CDKAL1: variants seen among roughly 807,000 people sequenced by gnomAD.
CDKAL1 encodes the protein CDKAL1 threonylcarbamoyladenosine tRNA methylthiotransferase.
CDKAL1 carries 32 observed loss-of-function variants against 68.2 expected under a neutral mutation model. That is an observed-to-expected ratio of 0.47 (90% CI 0.35 to 0.63). The LOEUF (loss-of-function observed/expected upper bound fraction) is 0.63, where lower values mean the gene tolerates loss of function less well. CDKAL1 is among the 30% of genes least tolerant of loss of function. The pLI is 0.00. For missense variants in CDKAL1, 606 were observed against 696.7 expected (o/e 0.87, Z 1.47); for synonymous variants, 234 against 244.3 (o/e 0.96, Z 0.39).
intron 4 of CDKAL1, among the ~76,000 whole-genome samples, chr6:20,591,174 C>G (rs145366404): frequency 6.6e-6 from 1 of 152,174 alleles, no homozygotes; most frequent in Non-Finnish European, 1.5e-5. Context: ...AGTGTCCGTT[C>G]ATATTCTTCG....
intron 11 of CDKAL1, among the ~76,000 whole-genome samples, chr6:21,040,765 C>G (rs1644359761): frequency 6.6e-6 from 1 of 152,132 alleles, no homozygotes; most frequent in Non-Finnish European, 1.5e-5. Flanking sequence ...CTATGATATA[C>G]TGGCCTAAAA....
chr6:20,623,920 G>C (rs921438491), intron 4 of CDKAL1, among the ~76,000 whole-genome samples: 2 of 152,054 alleles, frequency 1.3e-5, no homozygotes, highest in African/African-American at 4.8e-5. Context: ...TCCTTATAAA[G>C]ATTGAGTGAA....
intron 11 of CDKAL1, among the ~76,000 whole-genome samples, chr6:21,001,672 TTTTA>T (rs1273923693): frequency 2.0e-5 from 3 of 152,218 alleles, no homozygotes; most frequent in African/African-American, 7.2e-5. Context: ...GAATATAGAT[TTTTA>T]TTTGTTTAAG....
At chr6:20,542,645 T>G (rs78557916) in intron 2 of CDKAL1, among the ~76,000 whole-genome samples, 1 of 152,326 alleles carries the variant, frequency 6.6e-6, no homozygotes, top group African/African-American at 2.4e-5. Flanking sequence ...GTAAAACTTA[T>G]GCAGAGATCC....
At chr6:20,667,094 C>T (rs1161095653) in intron 5 of CDKAL1, among the ~76,000 whole-genome samples, 1 of 152,172 alleles carries the variant, frequency 6.6e-6, no homozygotes, top group Non-Finnish European at 1.5e-5. Context: ...GTTTTCACTG[C>T]CCTTGAAATA....
At position 20,799,052 on chromosome 6, in the gene CDKAL1, T is replaced by TG. The variant is rs1450303730; in HGVS notation, c.638+17787_638+17788insG. On this transcript the variant is annotated intron_variant, in intron 8 of 15. Transcript: ENST00000274695. ...TGAAAAGAACTGAGTTTTTTTTTTTTTTTTTTTTTTTTTTTTTGAGACGGA... is the reference window on the plus strand; with the variant it reads ...TGAAAAGAACTGAGTTTTTTTTTTTTGTTTTTTTTTTTTTTTTTGAGACGGA... Among the ~76,000 whole-genome samples, 19 of 117,440 alleles carry TG rather than the reference T, an allele frequency of 1.6e-4. 1 individual carries two copies. Among genetic ancestry groups the TG allele is most frequent in the African/African-American group, 6.0e-4 (18 of 30,180 alleles). 77.0% of individuals were successfully genotyped at this position (117,440 alleles called of 152,430 possible). A position where few individuals can be genotyped will look rare whatever the true frequency, so the allele number is the denominator to read the frequency against.
chr6:20,604,499 G>T (rs1766249341), intron 4 of CDKAL1, among the ~76,000 whole-genome samples: 1 of 152,154 alleles, frequency 6.6e-6, no homozygotes, highest in Admixed American at 6.5e-5. Flanking sequence ...TACCTATAAT[G>T]CTTCTGCCAG....
rs1562048455 is a variant in CDKAL1, at chr6:21,121,302, T to C, written c.1299+12839T>C. Among the ~76,000 whole-genome samples, 3 of 152,314 alleles carry C rather than the reference T, an allele frequency of 2.0e-5. No individual in the cohort carries two copies. The South Asian group carries it at 6.2e-4, about 32-fold the overall frequency. On this transcript the variant is annotated intron_variant, in intron 13 of 15. Coordinates refer to ENST00000274695, the MANE Select transcript of CDKAL1 (RefSeq NM_017774.3). ...TTTTAGAATTTCTGACTCTTCCACT[T>C]GCAAGCTAGATGATGTCGGCAAGAT...
At chr6:21,144,814 A>G (rs765811497) in intron 13 of CDKAL1, among the ~76,000 whole-genome samples, 1 of 152,098 alleles carries the variant, frequency 6.6e-6, no homozygotes, top group Non-Finnish European at 1.5e-5. Flanking sequence ...CTCCAAAAAG[A>G]AAACACAAAC....
chr6:21,180,975 A>G (rs563773423), intron 13 of CDKAL1, among the ~76,000 whole-genome samples: 1 of 152,326 alleles, frequency 6.6e-6, no homozygotes, highest in East Asian at 1.9e-4. Context: ...GTGAAGTCCA[A>G]GAGCCTGGCA....
chr6:20,975,888 A>G (rs913904003), intron 10 of CDKAL1, among the ~76,000 whole-genome samples: 2 of 152,222 alleles, frequency 1.3e-5, no homozygotes, highest in Non-Finnish European at 2.9e-5. Flanking sequence ...ATTATCACTC[A>G]AAGCCCATTG....
intron 2 of CDKAL1, among the ~76,000 whole-genome samples, chr6:20,542,565 C>A (rs916614182): frequency 6.7e-6 from 1 of 149,326 alleles, no homozygotes; most frequent in African/African-American, 2.6e-5. Context: ...TAAGTATATA[C>A]GAGTGTATTC....
At chr6:21,150,263 T>C (rs1331130523) in intron 13 of CDKAL1, among the ~76,000 whole-genome samples, 1 of 152,138 alleles carries the variant, frequency 6.6e-6, no homozygotes, top group African/African-American at 2.4e-5. Context: ...AAGAAAAGAA[T>C]GGATGTTGGG....
chr6:21,019,930 T>A (rs1040525938), intron 11 of CDKAL1, among the ~76,000 whole-genome samples: 1 of 151,904 alleles, frequency 6.6e-6, no homozygotes, highest in East Asian at 1.9e-4. Context: ...GTGGCCACTG[T>A]CTCTTTTGTG....
rs146987928 is a variant in CDKAL1, at chr6:20,946,978, G to C, written c.743-8441G>C. 5.5e-3 allele frequency among the ~76,000 whole-genome samples: 836 copies of C among 152,096 alleles called. 4 individuals carry two copies. Among genetic ancestry groups the C allele is most frequent in the African/African-American group, 0.019 (784 of 41,470 alleles). On this transcript the variant is annotated intron_variant, in intron 9 of 15. Coordinates refer to ENST00000274695, the MANE Select transcript of CDKAL1 (RefSeq NM_017774.3). ...TTGACAATATGTTCTTTATCTCTTA[G>C]TTTATTGTCTGTTTCACTTGAATAG...
At chr6:21,023,527 C>T (rs1201166849) in intron 11 of CDKAL1, among the ~76,000 whole-genome samples, 1 of 152,066 alleles carries the variant, frequency 6.6e-6, no homozygotes, top group Non-Finnish European at 1.5e-5. Context: ...ATAAGTCAAG[C>T]GGCTTTTTTT....
rs144408679 is a variant in CDKAL1, at chr6:20,750,701, T to C, written c.469-7894T>C. Among the ~76,000 whole-genome samples the C allele has an allele frequency of 1.8e-4, 28 of 152,076 alleles. 1 individual carries two copies. Among genetic ancestry groups the C allele is most frequent in the African/African-American group, 6.7e-4 (28 of 41,498 alleles). On this transcript the variant is annotated intron_variant, in intron 6 of 15. Coordinates refer to ENST00000274695, the MANE Select transcript of CDKAL1 (RefSeq NM_017774.3). ...ACTATCAGCCAGGCGTGGTGACTCATGCCTGTAATCCCAGCACTTTGGGAG... is the reference window on the plus strand; with the variant it reads ...ACTATCAGCCAGGCGTGGTGACTCACGCCTGTAATCCCAGCACTTTGGGAG...
intron 4 of CDKAL1, among the ~76,000 whole-genome samples, chr6:20,592,294 C>T (rs138438821): frequency 1.9e-4 from 29 of 152,276 alleles, no homozygotes; most frequent in Admixed American, 6.5e-4. Context: ...ACAATCATGT[C>T]ATCTGCAAAC....
chr6:20,758,727 C>G, intron 7 of CDKAL1, 84 bp downstream of exon 7: 1 of 948,904 alleles, frequency 1.1e-6, no homozygotes, highest in South Asian at 1.7e-5. Flanking sequence ...TCTTGCCAGG[C>G]ACCTTTATAA....
Sources: gnomAD v4.1 joint callset for allele counts (sites outside exome capture counted in the v4.1 genomes callset) on GRCh38, gnomAD v4.1.1 for gene constraint, MANE v1.5 for transcripts, NCBI Gene and HGNC (gene_info 2026-07-23, HGNC 2026-07-21) for gene names.